ACCSL: variants seen among roughly 807,000 people sequenced by gnomAD.
The protein encoded by ACCSL is 1-aminocyclopropane-1-carboxylate synthase homolog (inactive) like.
In ACCSL, 55 loss-of-function variants were observed where a neutral mutation model predicts 61.7. The observed-to-expected ratio is 0.89, with a 90% CI of 0.72 to 1.12. The LOEUF (loss-of-function observed/expected upper bound fraction) is 1.12, where lower values mean the gene tolerates loss of function less well. Ranked by LOEUF, ACCSL falls within the 50% of genes most tolerant of loss-of-function variation. ACCSL has a pLI of 0.00. For missense variants in ACCSL, 632 were observed against 698.0 expected (o/e 0.91, Z 1.07); for synonymous variants, 258 against 264.3 (o/e 0.98, Z 0.23).
Position 44,059,977 on chromosome 11 carries a change from T to A in ACCSL, c.*57T>A. On this transcript the variant is annotated 3_prime_UTR_variant, in exon 14 of 14. Transcript: ENST00000378832. ...CATCACTTGCTCAGGGACCCCCTAATGTCAGCCTCTGGCCCAGAAGGCCAG... is the reference window on the plus strand; with the variant it reads ...CATCACTTGCTCAGGGACCCCCTAAAGTCAGCCTCTGGCCCAGAAGGCCAG... The A allele has an allele frequency of 6.6e-7, 1 of 1,515,826 alleles. No homozygotes were observed. Among genetic ancestry groups the A allele is most frequent in the East Asian group, 2.3e-5 (1 of 43,860 alleles). 93.9% of individuals were successfully genotyped at this position (1,515,826 alleles called of 1,614,324 possible). A position where few individuals can be genotyped will look rare whatever the true frequency, so the allele number is the denominator to read the frequency against.
chr11:44,042,634 T>G, the ACCSL span, among the ~76,000 whole-genome samples: 76 of 40,468 alleles, frequency 1.9e-3, 1 homozygote, highest in African/African-American at 8.8e-3. Context: ...TTGTTTTTTT[T>G]TTGTTTGTTT....
At chr11:43,948,416 A>G in the ACCSL span, among the ~76,000 whole-genome samples, 1 of 152,150 alleles carries the variant, frequency 6.6e-6, no homozygotes, top group South Asian at 2.1e-4. Context: ...AGAGGGGTTA[A>G]TTTTCTTGAC....
the ACCSL span, among the ~76,000 whole-genome samples, chr11:43,977,267 G>A: frequency 6.6e-6 from 1 of 152,284 alleles, no homozygotes; most frequent in African/African-American, 2.4e-5. Flanking sequence ...ACATAGCAAG[G>A]GGGATTAGGC....
At chr11:43,972,799 C>T in the ACCSL span, among the ~76,000 whole-genome samples, 8 of 152,138 alleles carry the variant, frequency 5.3e-5, no homozygotes, top group East Asian at 1.9e-4. Context: ...GGGTCAGGAA[C>T]GGGGCACCAG....
intron 1 of ACCSL, 34 bp from the exon 2 acceptor site, chr11:44,050,028 G>A (rs1338690393): frequency 6.2e-7 from 1 of 1,613,942 alleles, no homozygotes; most frequent in Non-Finnish European, 8.5e-7. Context: ...GGAGCAAGAG[G>A]ACTGACCTGA....
At chr11:43,988,233 G>T in the ACCSL span, among the ~76,000 whole-genome samples, 1 of 152,138 alleles carries the variant, frequency 6.6e-6, no homozygotes, top group Non-Finnish European at 1.5e-5. Context: ...CCCGCTAGGG[G>T]GAACCCTGGC....
At chr11:43,935,735 C>G in the ACCSL span, among the ~76,000 whole-genome samples, 2 of 152,196 alleles carry the variant, frequency 1.3e-5, no homozygotes, top group African/African-American at 4.8e-5. Context: ...TCAAGTGATC[C>G]TCTAGCCTCA....
chr11:43,975,183 G>A, the ACCSL span, among the ~76,000 whole-genome samples: 3 of 151,676 alleles, frequency 2.0e-5, no homozygotes, highest in African/African-American at 7.3e-5. Context: ...TGCCAGTGAG[G>A]GAAAAAAAAT....
At chr11:44,026,808 C>G in the ACCSL span, among the ~76,000 whole-genome samples, 1 of 152,102 alleles carries the variant, frequency 6.6e-6, no homozygotes, top group East Asian at 1.9e-4. Flanking sequence ...CAACTCACTG[C>G]AACCTCCGCC....
At chr11:44,010,621 G>T in the ACCSL span, among the ~76,000 whole-genome samples, 7 of 152,256 alleles carry the variant, frequency 4.6e-5, no homozygotes, top group East Asian at 1.4e-3. Flanking sequence ...TTTCCCACTG[G>T]CAGTGCCCTG....
the ACCSL span, among the ~76,000 whole-genome samples, chr11:43,980,868 C>G: frequency 1.3e-5 from 2 of 149,526 alleles, no homozygotes; most frequent in East Asian, 1.9e-4. Flanking sequence ...TCATCATCAT[C>G]ATTTAACAGG....
At chr11:43,998,093 C>T in the ACCSL span, among the ~76,000 whole-genome samples, 98,800 of 152,120 alleles carry the variant, frequency 0.65, 33,732 homozygotes, top group Middle Eastern at 0.79. Flanking sequence ...TTAACCGTTT[C>T]GGTCTCAAAT....
Position 44,048,370 on chromosome 11 carries a change from C to A in ACCSL, c.334C>A (p.Gln112Lys). ...RGDVRYGQRA[Q>K]LSGQPDPVPQ... ...TGATGTCAGATATGGGCAGAGGGCC[C>A]AACTCTCTGGGCAGCCTGATCCAGT... is the stretch of plus-strand genomic sequence containing the variant. The change falls in exon 1 of 14, where the codon CAA becomes AAA. Residue 112 changes from glutamine to lysine, a missense_variant. Coordinates refer to ENST00000378832, the MANE Select transcript of ACCSL (RefSeq NM_001031854.2). 6.8e-6 allele frequency: 11 copies of A among 1,614,120 alleles called. No individual in the cohort carries two copies. Among genetic ancestry groups the A allele is most frequent in the Non-Finnish European group, 9.3e-6 (11 of 1,180,026 alleles).
the ACCSL span, chr11:43,943,385 C>T: frequency 1.2e-4 from 173 of 1,399,480 alleles, no homozygotes; most frequent in African/African-American, 2.6e-3. The surrounding 1 kb of genome is among the most constrained non-coding windows in gnomAD (Gnocchi z 4.8). Context: ...GGACCCGGGA[C>T]CGCCGCTCCT....
chr11:43,964,261 G>A, the ACCSL span, among the ~76,000 whole-genome samples: 1 of 151,834 alleles, frequency 6.6e-6, no homozygotes, highest in Admixed American at 6.6e-5. Flanking sequence ...GGCTAACACG[G>A]TGAAACCCCG....
chr11:43,923,937 A>G, the ACCSL span, among the ~76,000 whole-genome samples: 1 of 152,176 alleles, frequency 6.6e-6, no homozygotes, highest in Non-Finnish European at 1.5e-5. Context: ...ACTCCCCCTC[A>G]TAGGAGCAGT....
chr11:44,053,290 G>A lies in ACCSL; in HGVS notation c.949-116G>A, dbSNP rs925975833. The A allele has an allele frequency of 4.9e-6, 5 of 1,024,264 alleles. No individual in the cohort carries two copies. In the African/African-American group the frequency reaches 8.0e-5, roughly 16 times the overall value. 63.4% of individuals were successfully genotyped at this position (1,024,264 alleles called of 1,614,324 possible). A position where few individuals can be genotyped will look rare whatever the true frequency, so the allele number is the denominator to read the frequency against. On this transcript the variant is annotated intron_variant, in intron 7 of 13. Transcript: ENST00000378832. ...CTCTTTGGGCAGTATAGTAGTTGCT[G>A]CTTCAAGACCCTACCTAGGCCTTTT...
the ACCSL span, among the ~76,000 whole-genome samples, chr11:43,976,667 G>T: frequency 6.6e-6 from 1 of 152,136 alleles, no homozygotes; most frequent in Non-Finnish European, 1.5e-5. Flanking sequence ...ATTTTCTGTG[G>T]AAGGGGAAGG....
chr11:43,926,204 G>A, the ACCSL span, among the ~76,000 whole-genome samples: 823 of 152,252 alleles, frequency 5.4e-3, 18 homozygotes, highest in South Asian at 0.057. Flanking sequence ...ACTGAAGAGA[G>A]CTCCCAGATG....
Sources: gnomAD v4.1 joint callset for allele counts (sites outside exome capture counted in the v4.1 genomes callset) on GRCh38, gnomAD v4.1.1 for gene constraint, Gnocchi (gnomAD v3.1) non-coding constraint, MANE v1.5 for transcripts, NCBI Gene and HGNC (gene_info 2026-07-23, HGNC 2026-07-21) for gene names.